PIEZO2: variants seen among roughly 807,000 people sequenced by gnomAD.
The protein encoded by PIEZO2 is piezo type mechanosensitive ion channel component 2, also known as piezo-type mechanosensitive ion channel component 2.
In PIEZO2, 172 loss-of-function variants were observed where a neutral mutation model predicts 337.3. That is an observed-to-expected ratio of 0.51 (90% CI 0.45 to 0.58). PIEZO2 has a LOEUF of 0.58. PIEZO2 is among the 20% of genes least tolerant of loss of function. PIEZO2 has a pLI of 0.00. For synonymous variants in PIEZO2, 1,251 were observed against 1,228.5 expected (o/e 1.02, Z -0.38); for missense variants, 3,028 against 3,391.3 (o/e 0.89, Z 2.66).
rs141799565 is a variant in PIEZO2 at position 11,126,437 on chromosome 18, G to A, written c.64+22088C>T. 5.6e-3 allele frequency among the ~76,000 whole-genome samples: 849 copies of A among 152,176 alleles called. 10 individuals carry two copies. Among genetic ancestry groups the A allele is most frequent in the African/African-American group, 0.019 (804 of 41,512 alleles). On this transcript the variant is annotated intron_variant, in intron 1 of 55. Transcript: ENST00000674853. The surrounding 1 kb of genome is among the most constrained non-coding windows in gnomAD (Gnocchi z 4.6). ...CTTACTGTCCCCTAGGCCTGGTAAA[G>A]GGCACTCCTCACACAGTCCTCTTCC...
intron 37 of PIEZO2, 111 bp downstream of exon 37, chr18:10,718,089 C>T: frequency 1.1e-6 from 1 of 933,812 alleles, no homozygotes; most frequent in Non-Finnish European, 1.6e-6. Context: ...ACTCATAGTC[C>T]AGAAAACAGT....
chr18:11,074,036 T>C (rs1364095463), intron 1 of PIEZO2, among the ~76,000 whole-genome samples: 1 of 151,954 alleles, frequency 6.6e-6, no homozygotes, highest in African/African-American at 2.4e-5. Context: ...TTAGTAGAGA[T>C]GGGGTTTCAC....
rs1403204775 is a variant in PIEZO2 at position 11,031,520 on chromosome 18, A to G, written c.160+34607T>C. Among the ~76,000 whole-genome samples, 1 of 152,188 alleles carries G rather than the reference A, an allele frequency of 6.6e-6. No homozygotes were observed. The highest frequency in any genetic ancestry group is 1.9e-4 in the East Asian group (1 of 5,190). ...ATTTTATAACACTGGAACTTATACT[A>G]TTTGATATTTTAATATTCTTCACAG... On this transcript the variant is annotated intron_variant, in intron 2 of 55. Coordinates refer to ENST00000674853, the MANE Select transcript of PIEZO2 (RefSeq NM_001378183.1). This position sits in a 1 kb window ranked among gnomAD's most constrained non-coding sequence, Gnocchi z 4.7.
At chr18:10,725,718 G>C (rs930743367) in intron 36 of PIEZO2, among the ~76,000 whole-genome samples, 1 of 152,014 alleles carries the variant, frequency 6.6e-6, no homozygotes, top group African/African-American at 2.4e-5. Context: ...CTTCCTCTCC[G>C]ACTTCTCTCC....
rs1030535633 is a variant in PIEZO2 at position 10,973,276 on chromosome 18, A to T, written c.286+6259T>A. On this transcript the variant is annotated intron_variant, in intron 3 of 55. Coordinates refer to ENST00000674853, the MANE Select transcript of PIEZO2 (RefSeq NM_001378183.1). This position sits in a 1 kb window ranked among gnomAD's most constrained non-coding sequence, Gnocchi z 4.9. The stretch of plus-strand genomic sequence containing the variant: ...GTGTCTAGCTTTTGGCAGTAAAAAC[A>T]ATGTGTATTCATTACTCCAAGAGCG... Among the ~76,000 whole-genome samples, 2 of 152,194 alleles carry T rather than the reference A, an allele frequency of 1.3e-5. No homozygotes were observed. The highest frequency in any genetic ancestry group is 2.4e-5 in the African/African-American group (1 of 41,452).
chr18:10,736,765 G>A, intron 33 of PIEZO2, 55 bp from the exon 34 acceptor site: 1 of 1,507,708 alleles, frequency 6.6e-7, no homozygotes, highest in Non-Finnish European at 8.9e-7. Flanking sequence ...GGAAATTGGG[G>A]GCTTATTAAT....
chr18:10,732,497 AAG>A (rs2144080041), intron 35 of PIEZO2, among the ~76,000 whole-genome samples: 1 of 152,362 alleles, frequency 6.6e-6, no homozygotes, highest in East Asian at 1.9e-4. Context: ...GTAGAAAGTA[AAG>A]AGAGACTCAA....
intron 48 of PIEZO2, among the ~76,000 whole-genome samples, chr18:10,690,748 T>G (rs1479974973): frequency 6.6e-6 from 1 of 152,184 alleles, no homozygotes; most frequent in Non-Finnish European, 1.5e-5. Context: ...TTTGAGTAGT[T>G]AACTTGCTAC....
chr18:10,842,144 G>A lies in PIEZO2; in HGVS notation c.917+13209C>T, dbSNP rs149006509. On this transcript the variant is annotated intron_variant, in intron 7 of 55. Coordinates refer to ENST00000674853, the MANE Select transcript of PIEZO2 (RefSeq NM_001378183.1). ...AGCCTGGGCGACAAAGCGAGACTCCGTCTCAAAAAAAAAAAAAAAAAAAGT... is the reference window on the plus strand; with the variant it reads ...AGCCTGGGCGACAAAGCGAGACTCCATCTCAAAAAAAAAAAAAAAAAAAGT... 7.7e-4 allele frequency among the ~76,000 whole-genome samples: 101 copies of A among 132,000 alleles called. 1 individual carries two copies. In the East Asian group the frequency reaches 0.011, roughly 15 times the overall value. The allele number at this position is 132,000 out of a possible 152,430, so 86.6% of individuals were successfully genotyped here. A position where few individuals can be genotyped will look rare whatever the true frequency, so the allele number is the denominator to read the frequency against.
chr18:10,829,795 T>A (rs2040788453), intron 7 of PIEZO2, among the ~76,000 whole-genome samples: 1 of 151,884 alleles, frequency 6.6e-6, no homozygotes, highest in African/African-American at 2.4e-5. Flanking sequence ...AAAAAATTGA[T>A]GCAATAAAAT....
At chr18:10,728,577 A>T (rs1242199908) in intron 36 of PIEZO2, 2 of 152,194 alleles carry the variant, frequency 1.3e-5, no homozygotes, top group African/African-American at 4.8e-5. Context: ...AAAGAATGAT[A>T]TGATTTTATA....
Position 10,929,156 on chromosome 18 carries a change from G to A in PIEZO2, c.287-17928C>T, listed in dbSNP as rs1178672068. Among the ~76,000 whole-genome samples the A allele has an allele frequency of 1.3e-5, 2 of 152,186 alleles. No homozygotes were observed. The highest frequency in any genetic ancestry group is 1.3e-4 in the Admixed American group (2 of 15,278). ...AACACTCACAGCATTAACCACAGCT[G>A]CAATATGAATTAGAGCCATAGAAAA... On this transcript the variant is annotated intron_variant, in intron 3 of 55. Coordinates refer to ENST00000674853, the MANE Select transcript of PIEZO2 (RefSeq NM_001378183.1). This position sits in a 1 kb window ranked among gnomAD's most constrained non-coding sequence, Gnocchi z 5.6.
At chr18:11,010,803 A>T (rs2035871007) in intron 2 of PIEZO2, among the ~76,000 whole-genome samples, 1 of 152,222 alleles carries the variant, frequency 6.6e-6, no homozygotes, top group African/African-American at 2.4e-5. Flanking sequence ...GTTTATTTGC[A>T]CATATTTACA....
chr18:10,915,839 G>A (rs2030895000), intron 3 of PIEZO2, among the ~76,000 whole-genome samples: 1 of 152,170 alleles, frequency 6.6e-6, no homozygotes, highest in Non-Finnish European at 1.5e-5. Context: ...GCAGACCCTC[G>A]CAGTGACTAT....
At chr18:10,913,755 G>A (rs1429891135) in intron 3 of PIEZO2, among the ~76,000 whole-genome samples, 1 of 152,046 alleles carries the variant, frequency 6.6e-6, no homozygotes, top group Admixed American at 6.6e-5. Flanking sequence ...GTACTCCTGA[G>A]AATAAACATT....
At chr18:10,791,602 G>GA (rs2144178391) in intron 13 of PIEZO2, 1 of 230,028 alleles carries the variant, frequency 4.3e-6, no homozygotes, top group East Asian at 1.2e-4. Flanking sequence ...ACCTGGGCAG[G>GA]AAATCAGCTG....
At chr18:10,911,584 G>T (rs934168570) in intron 3 of PIEZO2, among the ~76,000 whole-genome samples, 24 of 152,010 alleles carry the variant, frequency 1.6e-4, no homozygotes, top group African/African-American at 5.3e-4. Context: ...GTGAAACCCT[G>T]TCTCAACTAA....
intron 2 of PIEZO2, among the ~76,000 whole-genome samples, chr18:11,042,749 C>T (rs893352643): frequency 2.0e-5 from 3 of 152,172 alleles, no homozygotes; most frequent in Non-Finnish European, 4.4e-5. Context: ...TGTCATACAC[C>T]TTTGGGGGGC....
intron 34 of PIEZO2, among the ~76,000 whole-genome samples, 25 bp from the exon 35 acceptor site, chr18:10,735,355 T>A (rs1163239019): frequency 2.0e-5 from 3 of 152,020 alleles, no homozygotes; most frequent in Non-Finnish European, 2.9e-5. Context: ...AAAGCAAGAG[T>A]AATTAGTAGA....
Sources: gnomAD v4.1 joint callset for allele counts (sites outside exome capture counted in the v4.1 genomes callset) on GRCh38, gnomAD v4.1.1 for gene constraint, Gnocchi (gnomAD v3.1) non-coding constraint, MANE v1.5 for transcripts, NCBI Gene and HGNC (gene_info 2026-07-23, HGNC 2026-07-21) for gene names.